The following MAPRE2 variants were observed in gnomAD, a reference collection of about 807,000 sequenced individuals.
The protein encoded by MAPRE2 is microtubule associated protein RP/EB family member 2.
Under a neutral mutation model 43.2 loss-of-function variants are expected in MAPRE2, and 13 were observed. The ratio of observed to expected loss-of-function variants is 0.30; its 90% CI spans 0.20 to 0.48. The LOEUF (loss-of-function observed/expected upper bound fraction) is 0.48, where lower values mean the gene tolerates loss of function less well. MAPRE2 is among the 20% of genes least tolerant of loss of function. The pLI, the probability that MAPRE2 is intolerant of heterozygous loss-of-function variation, is 0.99. For missense variants in MAPRE2, 161 were observed against 400.2 expected (o/e 0.40, Z 5.10); for synonymous variants, 135 against 148.8 (o/e 0.91, Z 0.68).
intron 2 of MAPRE2, among the ~76,000 whole-genome samples, chr18:35,023,050 G>A (rs1165882258): frequency 6.6e-6 from 1 of 152,096 alleles, no homozygotes; most frequent in Non-Finnish European, 1.5e-5. Flanking sequence ...TGAATTTTTA[G>A]AGTGACACTC....
At chr18:35,041,318 A>AT, upstream of MAPRE2, 1 of 1,421,124 alleles carries the variant, frequency 7.0e-7, no homozygotes, top group Non-Finnish European at 9.2e-7. Context: ...CCATGGCAAC[A>AT]GGCTGGCCAC....
intron 4 of MAPRE2, among the ~76,000 whole-genome samples, chr18:35,118,905 C>T (rs967449494): frequency 5.3e-5 from 8 of 152,192 alleles, no homozygotes; most frequent in Admixed American, 2.6e-4. Flanking sequence ...GCTGTCCAGA[C>T]GGCCACCTTC....
intron 1 of MAPRE2, among the ~76,000 whole-genome samples, chr18:35,046,244 T>C (rs1161259666): frequency 6.6e-6 from 1 of 152,252 alleles, no homozygotes; most frequent in East Asian, 1.9e-4. Flanking sequence ...CTGTGCTAGA[T>C]GCCCCTTGAA....
chr18:35,042,657 T>G (rs1318319878), intron 1 of MAPRE2, among the ~76,000 whole-genome samples: 1 of 152,202 alleles, frequency 6.6e-6, no homozygotes, highest in East Asian at 1.9e-4. Context: ...TCTTTTGTAC[T>G]GGGGTAGTTA....
At chr18:35,004,343 T>C (rs984034240) in intron 1 of MAPRE2, among the ~76,000 whole-genome samples, 11 of 152,150 alleles carry the variant, frequency 7.2e-5, no homozygotes, top group African/African-American at 2.7e-4. Flanking sequence ...TCTGAAATGG[T>C]CATAGAAAAC....
chr18:35,041,725 G>T, intron 1 of MAPRE2, 64 bp downstream of exon 1: 1 of 1,611,862 alleles, frequency 6.2e-7, no homozygotes, highest in Non-Finnish European at 8.5e-7. Flanking sequence ...AATCCAGCCC[G>T]TTATATAATG....
At chr18:34,984,609 C>T (rs1033040062) in intron 1 of MAPRE2, 16 of 151,208 alleles carry the variant, frequency 1.1e-4, no homozygotes, top group African/African-American at 3.9e-4. Context: ...CCTAGTGCTT[C>T]TGATGGGGGA....
chr18:35,096,636 G>T (rs951402354), intron 2 of MAPRE2, among the ~76,000 whole-genome samples: 1 of 152,010 alleles, frequency 6.6e-6, no homozygotes, highest in Non-Finnish European at 1.5e-5. Context: ...CATACTTCAT[G>T]TTAATATGGA....
At chr18:34,988,853 G>A (rs1177954141) in intron 1 of MAPRE2, 1 of 152,098 alleles carries the variant, frequency 6.6e-6, no homozygotes, top group East Asian at 1.9e-4. Context: ...CAAAAGGCAG[G>A]TTTTCTTTTC....
At chr18:35,099,362 C>G (rs1300705899) in intron 3 of MAPRE2, among the ~76,000 whole-genome samples, 2 of 152,210 alleles carry the variant, frequency 1.3e-5, no homozygotes. Context: ...CACCTGTAAT[C>G]CCAACACTTT....
intron 5 of MAPRE2, 21 bp from the exon 6 acceptor site, chr18:35,132,010 CT>C: frequency 6.3e-7 from 1 of 1,595,336 alleles, no homozygotes; most frequent in Non-Finnish European, 8.5e-7. Flanking sequence ...GGTTTTTTTT[CT>C]TCACTCTCAC....
chr18:35,072,277 T>C (rs1250485821), intron 2 of MAPRE2, among the ~76,000 whole-genome samples: 1 of 152,270 alleles, frequency 6.6e-6, no homozygotes, highest in East Asian at 1.9e-4. Context: ...TCACAATGCC[T>C]AATGCATGGT....
upstream of MAPRE2, among the ~76,000 whole-genome samples, chr18:35,037,979 C>G (rs139330326): frequency 2.2e-4 from 33 of 152,172 alleles, no homozygotes; most frequent in Non-Finnish European, 4.4e-5. Context: ...GCTGAGGAGT[C>G]ACTGGTCTGA....
At chr18:35,138,213 G>A (rs1469730921) in intron 6 of MAPRE2, among the ~76,000 whole-genome samples, 1 of 152,178 alleles carries the variant, frequency 6.6e-6, no homozygotes, top group African/African-American at 2.4e-5. Context: ...GGCAGAAGGG[G>A]AGTAAAGAGG....
At chr18:34,980,711 A>G (rs1192139452) in intron 1 of MAPRE2, among the ~76,000 whole-genome samples, 3 of 152,214 alleles carry the variant, frequency 2.0e-5, no homozygotes, top group Non-Finnish European at 2.9e-5. Context: ...TTTTGAGCAT[A>G]ACTAATAATT....
chr18:35,004,416 T>C (rs565155200), intron 1 of MAPRE2, among the ~76,000 whole-genome samples: 3 of 152,272 alleles, frequency 2.0e-5, no homozygotes, highest in African/African-American at 7.2e-5. Flanking sequence ...CATATGTATA[T>C]GCAAGTCAGG....
chr18:35,133,467 G>A (rs1360729685), intron 6 of MAPRE2, among the ~76,000 whole-genome samples: 1 of 152,134 alleles, frequency 6.6e-6, no homozygotes, highest in Non-Finnish European at 1.5e-5. Context: ...CGTCCTGTGT[G>A]TACAGAGTGC....
At chr18:34,979,081 G>A (rs1237652202) in intron 1 of MAPRE2, among the ~76,000 whole-genome samples, 1 of 152,192 alleles carries the variant, frequency 6.6e-6, no homozygotes, top group Non-Finnish European at 1.5e-5. Context: ...TGAGAGAAAA[G>A]ACGCTGAAAC....
chr18:34,979,181 C>T lies in MAPRE2; in HGVS notation c.-70+2102C>T, dbSNP rs150963706. Among the ~76,000 whole-genome samples the T allele has an allele frequency of 2.1e-3, 321 of 152,270 alleles. 1 individual carries two copies. Among genetic ancestry groups the T allele is most frequent in the Non-Finnish European group, 3.4e-3 (234 of 68,022 alleles). On this transcript the variant is annotated intron_variant, in intron 1 of 7. Coordinates refer to the MAPRE2 transcript ENST00000413393. ...CACCTACCACAACATTTTTCCCTTCCCTGGCTAGGGTCTGATTGGAAAAAT... is the reference window on the plus strand; with the variant it reads ...CACCTACCACAACATTTTTCCCTTCTCTGGCTAGGGTCTGATTGGAAAAAT...
Sources: allele counts gnomAD v4.1 joint callset (sites outside exome capture counted in the v4.1 genomes callset), GRCh38; gene constraint gnomAD v4.1.1; transcripts MANE v1.5; gene names NCBI Gene and HGNC (gene_info 2026-07-23, HGNC 2026-07-21).